The following PLSCR4 variants were observed in gnomAD, a reference collection of about 807,000 sequenced individuals.
PLSCR4 encodes the protein Ca(2+)-dependent phospholipid scramblase 4.
A neutral mutation model predicts 36.3 loss-of-function variants in PLSCR4; 25 were observed. The observed-to-expected ratio is 0.69, with a 90% CI of 0.50 to 0.96. The LOEUF (loss-of-function observed/expected upper bound fraction) is 0.96, where lower values mean the gene tolerates loss of function less well. PLSCR4 is among the 40% of genes least tolerant of loss of function. The pLI is 0.00. For missense variants in PLSCR4, 408 were observed against 414.7 expected, an observed-to-expected ratio of 0.98 and a Z score of 0.14; for synonymous variants, 122 against 132.9, an observed-to-expected ratio of 0.92 and a Z score of 0.56.
At position 146,201,049 on chromosome 3, in the gene PLSCR4, A is replaced by G; in HGVS notation, c.383T>C (p.Phe128Ser). The G allele has an allele frequency of 1.3e-6, 2 of 1,559,124 alleles. No individual in the cohort carries two copies. Among genetic ancestry groups the G allele is most frequent in the Non-Finnish European group, 1.7e-6 (2 of 1,159,782 alleles). ...QLDNIHVLQH[F>S]EPLEMMTCFE... ...ATTATACATACTTTCCAGAGGCTCA[A>G]AATGCTGAAGAACATGTATGTTGTC... The change falls in exon 5 of 9, where the codon TTT (phenylalanine) becomes TCT (serine). Residue 128 changes from phenylalanine to serine, a missense_variant. By Grantham distance (155) the Phe-to-Ser change is radical (BLOSUM62 -2). Coordinates refer to ENST00000354952, the MANE Select transcript of PLSCR4 (RefSeq NM_020353.3).
intron 1 of PLSCR4, among the ~76,000 whole-genome samples, chr3:146,241,299 TTGAA>T (rs945090107): frequency 4.6e-5 from 7 of 152,170 alleles, no homozygotes; most frequent in Admixed American, 2.6e-4. Flanking sequence ...ACTGTACACT[TTGAA>T]TGGGTGAATT....
chr3:146,193,421 T>C lies in PLSCR4; in HGVS notation c.*990A>G, dbSNP rs2033520720. 6.6e-6 allele frequency: 1 copy of C among 152,062 alleles called. No homozygotes were observed. Among genetic ancestry groups the C allele is most frequent in the Non-Finnish European group, 1.5e-5 (1 of 67,998 alleles). The allele number at this position is 152,062 out of a possible 1,614,324, so 9.4% of individuals were successfully genotyped here. On this transcript the variant is annotated 3_prime_UTR_variant, in exon 9 of 9. Coordinates refer to ENST00000354952, the MANE Select transcript of PLSCR4 (RefSeq NM_020353.3). The stretch of plus-strand genomic sequence containing the variant: ...TCCAGTTCTTACCATGAGAACAGCA[T>C]GGTGATCACGAAGGATCTTCTTGAA...
intron 6 of PLSCR4, among the ~76,000 whole-genome samples, 153 bp downstream of exon 6, chr3:146,199,660 G>A (rs2033936887): frequency 6.6e-6 from 1 of 152,094 alleles, no homozygotes; most frequent in Admixed American, 6.6e-5. Flanking sequence ...ATTTTCCTTA[G>A]GCGAGACAAT....
intron 1 of PLSCR4, among the ~76,000 whole-genome samples, chr3:146,234,727 C>A (rs1021098829): frequency 2.0e-5 from 3 of 152,078 alleles, no homozygotes; most frequent in African/African-American, 7.2e-5. Context: ...TTGGGATTGT[C>A]CCTATAAAGT....
chr3:146,211,332 T>C lies in PLSCR4; in HGVS notation c.119-4571A>G, dbSNP rs147673175. 2.0e-3 allele frequency among the ~76,000 whole-genome samples: 304 copies of C among 152,262 alleles called. 1 individual carries two copies. Among genetic ancestry groups the C allele is most frequent in the African/African-American group, 6.9e-3 (289 of 41,586 alleles). ...TGTTCAGCATCTTTTCATGTGCTTA[T>C]TGGCCATTTGTATATCTCCTTTGGA... is the stretch of plus-strand genomic sequence containing the variant. On this transcript the variant is annotated intron_variant, in intron 3 of 8. Transcript: ENST00000354952.
intron 3 of PLSCR4, among the ~76,000 whole-genome samples, chr3:146,218,316 T>C (rs1451609557): frequency 2.0e-5 from 3 of 151,958 alleles, no homozygotes; most frequent in Non-Finnish European, 4.4e-5. Context: ...CTAAAAATCA[T>C]ATGAATTATC....
chr3:146,205,367 T>C (rs972297862), intron 4 of PLSCR4, among the ~76,000 whole-genome samples: 1 of 152,026 alleles, frequency 6.6e-6, no homozygotes. Flanking sequence ...AATTTTACTA[T>C]AGATCTTAGT....
chr3:146,206,660 G>A lies in PLSCR4; in HGVS notation c.220C>T (p.Pro74Ser). Residue 74 changes from proline (P) to serine (S), a missense_variant, in exon 4 of 9, where the codon CCA becomes TCA. Coordinates refer to ENST00000354952, the MANE Select transcript of PLSCR4 (RefSeq NM_020353.3). ...QQPSTFPLYQ[P>S]VGGIHPVRYQ... ...CGGACAGGATGGATACCACCAACTG[G>A]CTGGTACAAAGGGAAGGTACTGGGT... is the stretch of plus-strand genomic sequence containing the variant. The A allele has an allele frequency of 1.9e-6, 3 of 1,613,426 alleles. No individual in the cohort carries two copies. The highest frequency in any genetic ancestry group is 2.5e-6 in the Non-Finnish European group (3 of 1,179,660).
intron 7 of PLSCR4, chr3:146,196,403 CTTTTTA>C (rs1376062957): frequency 1.3e-5 from 6 of 471,604 alleles, no homozygotes; most frequent in African/African-American, 9.7e-5. Flanking sequence ...TAAATGATTT[CTTTTTA>C]TTTTTATCAA....
chr3:146,215,665 G>A (rs2034861053), intron 3 of PLSCR4, among the ~76,000 whole-genome samples: 1 of 152,132 alleles, frequency 6.6e-6, no homozygotes, highest in South Asian at 2.1e-4. Context: ...CCCAAAAATT[G>A]TTGGATTTTC....
chr3:146,238,212 A>C (rs1440325238), intron 1 of PLSCR4, among the ~76,000 whole-genome samples: 1 of 151,856 alleles, frequency 6.6e-6, no homozygotes, highest in Non-Finnish European at 1.5e-5. Flanking sequence ...CACAAAAAAA[A>C]AAACCCAGGT....
intron 1 of PLSCR4, among the ~76,000 whole-genome samples, chr3:146,228,724 A>T (rs1227016683): frequency 2.6e-5 from 2 of 77,698 alleles, no homozygotes; most frequent in East Asian, 3.4e-4. Context: ...ACATATAAAT[A>T]TTGAGTTTTC....
chr3:146,209,828 TG>T (rs1163012909), intron 3 of PLSCR4, among the ~76,000 whole-genome samples: 3 of 152,146 alleles, frequency 2.0e-5, no homozygotes, highest in Non-Finnish European at 2.9e-5. Context: ...CAAGTGATGT[TG>T]TCTGAACTGT....
At chr3:146,240,498 G>A (rs2107847900) in intron 1 of PLSCR4, among the ~76,000 whole-genome samples, 1 of 152,268 alleles carries the variant, frequency 6.6e-6, no homozygotes, top group South Asian at 2.1e-4. Flanking sequence ...CCAGCTACAG[G>A]AGAGGCTGAT....
At chr3:146,196,527 T>A in intron 7 of PLSCR4, 105 bp downstream of exon 7, 1 of 1,020,288 alleles carries the variant, frequency 9.8e-7, no homozygotes, top group Non-Finnish European at 1.5e-6. Context: ...CCTAACACTA[T>A]GTTATTCATT....
rs1455713225 is a variant in PLSCR4 at position 146,194,156 on chromosome 3, T to A, written c.*255A>T. On this transcript the variant is annotated 3_prime_UTR_variant, in exon 9 of 9. Transcript: ENST00000354952. ...ATGTTTATAGTGTTTTAAGCTTACT[T>A]TGTATATGTTTACTGGGTTAATGAG... 7.3e-6 allele frequency: 3 copies of A among 412,350 alleles called. No homozygotes were observed. Among genetic ancestry groups the A allele is most frequent in the Non-Finnish European group, 1.3e-5 (3 of 232,376 alleles). 25.5% of individuals were successfully genotyped at this position (412,350 alleles called of 1,614,324 possible).
At chr3:146,217,198 T>C (rs993837705) in intron 3 of PLSCR4, among the ~76,000 whole-genome samples, 2 of 152,130 alleles carry the variant, frequency 1.3e-5, no homozygotes, top group African/African-American at 2.4e-5. Context: ...AAGCAAGTAA[T>C]TGACATAATC....
At position 146,206,299 on chromosome 3, in the gene PLSCR4, A is replaced by G. The variant is rs561815022; in HGVS notation, c.354+227T>C. Among the ~76,000 whole-genome samples, 202 of 152,186 alleles carry G rather than the reference A, an allele frequency of 1.3e-3. 1 individual carries two copies. Among genetic ancestry groups the G allele is most frequent in the Non-Finnish European group, 2.3e-3 (154 of 67,988 alleles). The stretch of plus-strand genomic sequence containing the variant: ...AACATCTTGAATGCCTTGAAGTTCA[A>G]CATAAATCCTTATGAAAAACATACT... On this transcript the variant is annotated intron_variant, in intron 4 of 8. Transcript: ENST00000354952.
chr3:146,235,311 G>A (rs373794667), intron 1 of PLSCR4, among the ~76,000 whole-genome samples: 19 of 152,042 alleles, frequency 1.2e-4, no homozygotes, highest in East Asian at 1.2e-3. Context: ...ATGAGTTCTC[G>A]TGACATCTAG....
Sources: gnomAD v4.1 joint callset for allele counts (sites outside exome capture counted in the v4.1 genomes callset) on GRCh38, gnomAD v4.1.1 for gene constraint, MANE v1.5 for transcripts, NCBI Gene and HGNC (gene_info 2026-07-23, HGNC 2026-07-21) for gene names.